PTCH1: variants seen among roughly 807,000 people sequenced by gnomAD.
PTCH1 encodes the protein protein patched homolog 1.
PTCH1 carries 14 observed loss-of-function variants against 144.6 expected under a neutral mutation model. The observed-to-expected ratio is 0.10, with a 90% CI of 0.06 to 0.15. The LOEUF (loss-of-function observed/expected upper bound fraction) is 0.15. Among genes scored for constraint, PTCH1 ranks in the 10% least tolerant of loss-of-function variants. The pLI is 1.00. For missense variants in PTCH1, 1,623 were observed against 1,948.3 expected, an observed-to-expected ratio of 0.83 and a Z score of 3.14; for synonymous variants, 833 against 793.6, an observed-to-expected ratio of 1.05 and a Z score of -0.83.
chr9:95,471,578 C>A (rs1840585246), intron 12 of PTCH1, among the ~76,000 whole-genome samples: 1 of 152,166 alleles, frequency 6.6e-6, no homozygotes, highest in South Asian at 2.1e-4. Flanking sequence ...ATAAATAAGA[C>A]AAAATCCTAC....
At chr9:95,506,642 C>A (rs1843673120) in intron 1 of PTCH1, 43 bp from the exon 2 acceptor site, 2 of 1,521,428 alleles carry the variant, frequency 1.3e-6, no homozygotes, top group Non-Finnish European at 1.8e-6. Context: ...CGGGGAGTCG[C>A]GGCCCGCGCG....
chr9:95,492,387 T>G (rs1394640525), intron 2 of PTCH1, among the ~76,000 whole-genome samples: 2 of 152,128 alleles, frequency 1.3e-5, no homozygotes, highest in East Asian at 3.8e-4. Flanking sequence ...GCATATAAAT[T>G]TTAAGTCAGG....
At position 95,456,404 on chromosome 9, in the gene PTCH1, G is replaced by A. The variant is rs765072884; in HGVS notation, c.3178C>T (p.Leu1060=). 5.6e-6 allele frequency: 9 copies of A among 1,613,772 alleles called. No individual in the cohort carries two copies. In the African/African-American group the frequency reaches 1.1e-4, roughly 19 times the overall value. The change falls in exon 19 of 24, where the codon CTG becomes TTG. Residue 1060 remains leucine (L), a synonymous_variant. Coordinates refer to ENST00000331920, the MANE Select transcript of PTCH1 (RefSeq NM_000264.5). ...PWTAGIIVMV[L]ALMTVELFGM... ...AACAGCTCGACCGTCATCAGCGCCA[G>A]GACCATCACCTGGAGCAGGGCACAC... is the stretch of plus-strand genomic sequence containing the variant.
At chr9:95,448,236 G>C (rs1028121025) in intron 22 of PTCH1, among the ~76,000 whole-genome samples, 1 of 152,196 alleles carries the variant, frequency 6.6e-6, no homozygotes, top group Non-Finnish European at 1.5e-5. Context: ...GCGTCGTCGC[G>C]GGGGGTAGGA....
intron 1 of PTCH1, among the ~76,000 whole-genome samples, chr9:95,515,904 G>A (rs1470608943): frequency 6.6e-6 from 1 of 152,062 alleles, no homozygotes; most frequent in Admixed American, 6.5e-5. Flanking sequence ...CTCGAGAGCG[G>A]GTCTGCGGGG....
Position 95,506,629 on chromosome 9 carries a change from C to T in PTCH1, c.202-30G>A, listed in dbSNP as rs1322920223. 11 of 1,553,580 alleles carry T rather than the reference C, an allele frequency of 7.1e-6. No homozygotes were observed. The highest frequency in any genetic ancestry group is 1.2e-5 in the South Asian group (1 of 85,254). On this transcript the variant is annotated intron_variant, in intron 1 of 23. Transcript: ENST00000331920. Reference sequence around the variant, plus strand: ...GGACGAAGCAGAAGGGAGGAGTGAGCGCCGGGGAGTCGCGGCCCGCGCGCC... The same window carrying T: ...GGACGAAGCAGAAGGGAGGAGTGAGTGCCGGGGAGTCGCGGCCCGCGCGCC...
rs1393599414 is a variant in PTCH1, at chr9:95,459,679, G to A, written c.2808C>T (p.Ala936=). Residue 936 remains alanine (A), a synonymous_variant, in exon 17 of 24, where the codon GCC becomes GCT. Transcript: ENST00000331920. ...WVSNDPVAYA[A]SQANIRPHRP... is the part of the protein sequence containing the mutation. ...GGTGTGGCCGGATGTTGGCCTGGGA[G>A]GCAGCATACGCGACGGGGTCGTTGC... 3.7e-6 allele frequency: 6 copies of A among 1,614,226 alleles called. No homozygotes were observed. Among genetic ancestry groups the A allele is most frequent in the Non-Finnish European group, 5.1e-6 (6 of 1,180,048 alleles).
chr9:95,492,643 A>T (rs1842495861), intron 2 of PTCH1, among the ~76,000 whole-genome samples: 1 of 151,952 alleles, frequency 6.6e-6, no homozygotes, highest in South Asian at 2.1e-4. Flanking sequence ...ACCCCCCCTT[A>T]AAAAAATCCA....
intron 9 of PTCH1, 115 bp from the exon 10 acceptor site, chr9:95,477,817 C>T: frequency 2.7e-6 from 4 of 1,500,884 alleles, no homozygotes; most frequent in Non-Finnish European, 3.6e-6. Flanking sequence ...TATCCAACAA[C>T]AACAAAACTT....
upstream of PTCH1, among the ~76,000 whole-genome samples, chr9:95,510,415 C>T (rs958096024): frequency 1.3e-5 from 2 of 152,194 alleles, no homozygotes; most frequent in African/African-American, 4.8e-5. Flanking sequence ...CAAGGCATCC[C>T]GGGGATTCGC....
intron 19 of PTCH1, among the ~76,000 whole-genome samples, chr9:95,454,356 G>A (rs1838735382): frequency 6.6e-6 from 1 of 152,224 alleles, no homozygotes; most frequent in Non-Finnish European, 1.5e-5. Flanking sequence ...AGTTCAGGCT[G>A]CTCTGGATTA....
intron 2 of PTCH1, chr9:95,494,218 C>A: frequency 2.0e-6 from 2 of 985,724 alleles, no homozygotes; most frequent in Non-Finnish European, 1.2e-6. Flanking sequence ...TGTTATCAGC[C>A]TTGCCCAGGC....
rs140751861 is a variant in PTCH1 at position 95,478,551 on chromosome 9, T to A, written c.1216-365A>T. ...ACTAATCCAAAACAACTCATTCTTATGGCCCTCCTCCCCCTGTTCATTTGC... is the reference window on the plus strand; with the variant it reads ...ACTAATCCAAAACAACTCATTCTTAAGGCCCTCCTCCCCCTGTTCATTTGC... On this transcript the variant is annotated intron_variant, in intron 8 of 23. Transcript: ENST00000331920. Among the ~76,000 whole-genome samples, 10 of 152,310 alleles carry A rather than the reference T, an allele frequency of 6.6e-5. No homozygotes were observed. In the East Asian group the frequency reaches 1.9e-3, roughly 29 times the overall value.
intron 16 of PTCH1, 79 bp downstream of exon 16, chr9:95,461,777 A>G (rs1839490820): frequency 1.3e-6 from 2 of 1,582,384 alleles, no homozygotes; most frequent in Non-Finnish European, 1.7e-6. Context: ...GGGTGGGGTC[A>G]CACGCTGTCA....
chr9:95,446,686 G>C, intron 23 of PTCH1: 1 of 629,682 alleles, frequency 1.6e-6, no homozygotes, highest in Non-Finnish European at 2.8e-6. Flanking sequence ...ACCCTCCGCA[G>C]GTTAGCAGTG....
chr9:95,506,462 C>T lies in PTCH1; in HGVS notation c.339G>A (p.Ala113=), dbSNP rs756224406. Residue 113 remains alanine (A), a synonymous_variant, in exon 2 of 24, where the codon GCG becomes GCA. Transcript: ENST00000331920. ...VVGLLIFGAF[A]VGLKAANLET... is the part of the protein sequence containing the mutation. ...CGAGGTTCGCTGCTTTTAATCCCACCGCGAAGGCCCCAAATATGAGGAGGC... is the reference window on the plus strand; with the variant it reads ...CGAGGTTCGCTGCTTTTAATCCCACTGCGAAGGCCCCAAATATGAGGAGGC... The T allele has an allele frequency of 2.5e-6, 4 of 1,613,316 alleles. No individual in the cohort carries two copies. Among genetic ancestry groups the T allele is most frequent in the Middle Eastern group, 1.7e-4 (1 of 5,962 alleles).
At chr9:95,497,027 C>A (rs1842841298) in intron 2 of PTCH1, among the ~76,000 whole-genome samples, 2 of 152,144 alleles carry the variant, frequency 1.3e-5, no homozygotes, top group Non-Finnish European at 2.9e-5. Context: ...TCTCAAAATT[C>A]CTGTTTTTAT....
Position 95,508,631 on chromosome 9 carries a change from C to T in PTCH1, c.-270G>A, listed in dbSNP as rs1843949160. On this transcript the variant is annotated 5_prime_UTR_variant, in exon 1 of 24. Transcript: ENST00000331920. ...CCACATTGCGCGGGGGTCCCGAGGT[C>T]TCTGCGGCCGCCGCTGCCCACATCC... The T allele has an allele frequency of 1.0e-6, 1 of 990,538 alleles. No homozygotes were observed. Among genetic ancestry groups the T allele is most frequent in the Non-Finnish European group, 1.2e-6 (1 of 833,680 alleles). 61.4% of individuals were successfully genotyped at this position (990,538 alleles called of 1,614,324 possible).
chr9:95,515,340 T>G (rs1813763016), intron 1 of PTCH1, among the ~76,000 whole-genome samples: 1 of 152,190 alleles, frequency 6.6e-6, no homozygotes, highest in South Asian at 2.1e-4. Flanking sequence ...CTAGTTCTTT[T>G]GTATTTCTCC....
Sources: allele counts gnomAD v4.1 joint callset (sites outside exome capture counted in the v4.1 genomes callset), GRCh38; gene constraint gnomAD v4.1.1; transcripts MANE v1.5; gene names NCBI Gene and HGNC (gene_info 2026-07-23, HGNC 2026-07-21).